Variants in PSMD10 observed in about 807,000 individuals in gnomAD.
PSMD10 encodes 26S proteasome non-ATPase regulatory subunit 10.
In PSMD10, 2 loss-of-function variants were observed where a neutral mutation model predicts 13.2. That is an observed-to-expected ratio of 0.15 (90% CI 0.06 to 0.48). The LOEUF (loss-of-function observed/expected upper bound fraction) is 0.48. Ranked by LOEUF, PSMD10 falls within the 20% of genes least tolerant of loss-of-function variation. The probability of loss-of-function intolerance (pLI) is 0.97; values close to 1 mark genes in which losing one functional copy is unlikely to be tolerated. For missense variants in PSMD10, 120 were observed against 167.4 expected (o/e 0.72, Z 1.56); for synonymous variants, 66 against 64.4 (o/e 1.03, Z -0.12).
At chrX:108,087,886 C>T (rs965175259) in intron 3 of PSMD10, 34 bp from the exon 4 acceptor site, 2 of 1,210,256 alleles carry the variant, frequency 1.7e-6, no homozygotes, top group African/African-American at 3.5e-5. Context: ...GAAAACAATG[C>T]AGAAATCTAT....
At position 108,084,802 on chromosome X, in the gene PSMD10, C is replaced by A; in HGVS notation, c.*172G>T. 1 of 473,553 alleles carries A rather than the reference C, an allele frequency of 2.1e-6. No homozygotes were observed. Among genetic ancestry groups the A allele is most frequent in the Non-Finnish European group, 3.3e-6 (1 of 301,511 alleles). The allele number at this position is 473,553 out of a possible 1,213,427, so 39.0% of individuals were successfully genotyped here. A position where few individuals can be genotyped will look rare whatever the true frequency, so the allele number is the denominator to read the frequency against. On this transcript the variant is annotated 3_prime_UTR_variant, in exon 5 of 5. Coordinates refer to ENST00000217958, the MANE Select transcript of PSMD10 (RefSeq NM_002814.4). ...AGTTATTCGATGCCTGGAAAACAAG[C>A]TGTAAGCTTCGAACAAGTAACTCAG...
chrX:108,088,218 A>C, intron 2 of PSMD10, 119 bp from the exon 3 acceptor site: 1 of 712,195 alleles, frequency 1.4e-6, no homozygotes, highest in Non-Finnish European at 2.1e-6. Context: ...CCTACAAAAA[A>C]GGTTCCATTC....
Position 108,086,264 on chromosome X carries a change from T to C in PSMD10, c.528-1137A>G, listed in dbSNP as rs757641773. 6.3e-5 allele frequency among the ~76,000 whole-genome samples: 7 copies of C among 111,456 alleles called. No individual in the cohort carries two copies. The East Asian group carries it at 1.1e-3, about 18-fold the overall frequency. On this transcript the variant is annotated intron_variant, in intron 4 of 4. Transcript: ENST00000217958. The stretch of plus-strand genomic sequence containing the variant: ...GCTTCAGATCATACACATAATTCAA[T>C]TACAGATGGATTTTAAGAGTTAAAT...
At chrX:108,087,597 A>C in intron 4 of PSMD10, 89 bp downstream of exon 4, 2 of 1,105,065 alleles carry the variant, frequency 1.8e-6, no homozygotes, top group Non-Finnish European at 2.4e-6. Context: ...TGCATTTATA[A>C]GCAGAATAAA....
Position 108,087,791 on chromosome X carries a change from G to A in PSMD10, c.422C>T (p.Thr141Ile), listed in dbSNP as rs201782166. 203 of 1,210,123 alleles carry A rather than the reference G, an allele frequency of 1.7e-4. No homozygotes were observed. The highest frequency in any genetic ancestry group is 2.3e-4 in the Non-Finnish European group (202 of 895,289). The change falls in exon 4 of 5, where the codon ACA becomes ATA. Residue 141 changes from threonine to isoleucine, a missense_variant. Around this residue, in one of 3 missense-constraint regions of PSMD10, gnomAD observed 68 missense variants for 124.8 expected, o/e 0.54. Coordinates refer to ENST00000217958, the MANE Select transcript of PSMD10 (RefSeq NM_002814.4). ...CTTGGCTGCTGCCCGGTGCATTGCT[G>A]TAGCCTCATAATGGTCCTTAGCATC... ...NPDAKDHYEA[T>I]AMHRAAAKGN...
At position 108,088,003 on chromosome X, in the gene PSMD10, G is replaced by C; in HGVS notation, c.310C>G (p.Gln104Glu). The C allele has an allele frequency of 8.3e-7, 1 of 1,211,138 alleles. No homozygotes were observed. The highest frequency in any genetic ancestry group is 1.1e-6 in the Non-Finnish European group (1 of 894,960). The change falls in exon 3 of 5, where the codon CAA becomes GAA. Residue 104 changes from glutamine (Q) to glutamate (E), a missense_variant. By Grantham distance (29) the Gln-to-Glu change is conservative (BLOSUM62 2). Transcript: ENST00000217958. ...GKGAQVNAVN[Q>E]NGCTPLHYAA... Reference sequence around the variant, plus strand: ...TAATGTAAGGGAGTACAGCCATTTTGATTGACAGCATTCACTTGAGCACCT... The same window carrying C: ...TAATGTAAGGGAGTACAGCCATTTTCATTGACAGCATTCACTTGAGCACCT...
At chrX:108,087,361 T>C (rs1196034334) in intron 4 of PSMD10, 4 of 151,377 alleles carry the variant, frequency 2.6e-5, no homozygotes, top group Non-Finnish European at 3.8e-5. Context: ...ATATTTAATA[T>C]ATGCTTATAC....
chrX:108,086,426 C>T (rs1478632857), intron 4 of PSMD10, among the ~76,000 whole-genome samples: 1 of 112,038 alleles, frequency 8.9e-6, no homozygotes, highest in Non-Finnish European at 1.9e-5. Context: ...ATGGGCTTGA[C>T]TACGTAGAAA....
intron 4 of PSMD10, among the ~76,000 whole-genome samples, chrX:108,085,500 G>A (rs1326756357): frequency 1.8e-5 from 2 of 112,465 alleles, no homozygotes; most frequent in South Asian, 3.6e-4. Flanking sequence ...ATAGTAATTC[G>A]TGCAGCTTAA....
At chrX:108,088,145 A>C in intron 2 of PSMD10, 46 bp from the exon 3 acceptor site, 1 of 1,138,809 alleles carries the variant, frequency 8.8e-7, no homozygotes, top group Non-Finnish European at 1.2e-6. Flanking sequence ...AAAAGGCACA[A>C]GGATTAGTGC....
At chrX:108,086,507 A>G (rs756021039) in intron 4 of PSMD10, among the ~76,000 whole-genome samples, 9 of 112,018 alleles carry the variant, frequency 8.0e-5, no homozygotes, top group Non-Finnish European at 1.7e-4. Context: ...AATATTTTCA[A>G]CTAACATTGC....
chrX:108,088,706 A>G, intron 2 of PSMD10, 46 bp downstream of exon 2: 2 of 1,061,079 alleles, frequency 1.9e-6, no homozygotes, highest in Non-Finnish European at 2.6e-6. Context: ...TCTGGAGTAC[A>G]AAGATAACTG....
chrX:108,089,825 C>A, intron 1 of PSMD10, among the ~76,000 whole-genome samples: 1 of 111,484 alleles, frequency 9.0e-6, no homozygotes, highest in Non-Finnish European at 1.9e-5. Flanking sequence ...AAGAGCGAAA[C>A]TCTGTTTCAA....
chrX:108,091,258 TC>T lies in PSMD10; in HGVS notation c.114+148del, dbSNP rs2147945092. On this transcript the variant is annotated intron_variant, in intron 1 of 4. Transcript: ENST00000217958. The stretch of plus-strand genomic sequence containing the variant: ...CTAGCTCCCGCAGGCCTATCGCGAG[TC>T]CCGAGGTGACCCAGGGGGACTGCTT... 7.9e-6 allele frequency: 4 copies of T among 505,689 alleles called. No individual in the cohort carries two copies. The East Asian group carries it at 1.4e-4, about 18-fold the overall frequency. The allele number at this position is 505,689 out of a possible 1,213,427, so 41.7% of individuals were successfully genotyped here.
In PSMD10 at chrX:108,087,665, T is replaced by C. The variant is rs781253948; in HGVS notation, c.527+21A>G. The C allele has an allele frequency of 1.9e-4, 231 of 1,198,909 alleles. 2 individuals are homozygous for C. In the Admixed American group the frequency reaches 5.1e-3, roughly 26 times the overall value. On this transcript the variant is annotated intron_variant, in intron 4 of 4. Coordinates refer to ENST00000217958, the MANE Select transcript of PSMD10 (RefSeq NM_002814.4). ...AGGCTAATGTCAGGTAGAATACAAA[T>C]GACTGCTACTTGTCACTTACAGAGG... is the stretch of plus-strand genomic sequence containing the variant.
At chrX:108,086,297 A>G (rs1013962910) in intron 4 of PSMD10, among the ~76,000 whole-genome samples, 1 of 112,044 alleles carries the variant, frequency 8.9e-6, no homozygotes, top group Non-Finnish European at 1.9e-5. Flanking sequence ...AATGCAAAAC[A>G]ATAACACTAA....
intron 4 of PSMD10, among the ~76,000 whole-genome samples, chrX:108,086,854 C>T (rs762779865): frequency 8.1e-5 from 9 of 111,569 alleles, no homozygotes; most frequent in Non-Finnish European, 1.3e-4. Flanking sequence ...TATTTGTTGA[C>T]GCAGCAATTC....
At chrX:108,088,617 G>A in intron 2 of PSMD10, 135 bp downstream of exon 2, 1 of 473,552 alleles carries the variant, frequency 2.1e-6, no homozygotes, top group South Asian at 4.1e-5. Flanking sequence ...TTGATCACAA[G>A]GGCCATGATG....
chrX:108,091,473 G>A lies in PSMD10; in HGVS notation c.48C>T (p.Ser16=). The part of the protein sequence containing the change: ...SNLMVCNLAY[S]GKLEELKESI... Reference sequence around the variant, plus strand: ...TCTCCTTCAACTCTTCCAGCTTCCCGCTGTAGGCCAGGTTGCAGACCATTA... The same window carrying A: ...TCTCCTTCAACTCTTCCAGCTTCCCACTGTAGGCCAGGTTGCAGACCATTA... The change falls in exon 1 of 5, where the codon AGC becomes AGT. Residue 16 remains serine (S), a synonymous_variant. Transcript: ENST00000217958. The A allele has an allele frequency of 2.5e-6, 3 of 1,212,265 alleles. No individual in the cohort carries two copies. The highest frequency in any genetic ancestry group is 3.4e-6 in the Non-Finnish European group (3 of 895,522).
Sources: allele counts gnomAD v4.1 joint callset (sites outside exome capture counted in the v4.1 genomes callset), GRCh38; gene constraint gnomAD v4.1.1; regional missense constraint gnomAD v4.1.1; transcripts MANE v1.5; gene names NCBI Gene and HGNC (gene_info 2026-07-23, HGNC 2026-07-21).